AGBL1: variants seen among roughly 807,000 people sequenced by gnomAD.
AGBL1 encodes the protein cytosolic carboxypeptidase 4.
A neutral mutation model predicts 118.9 loss-of-function variants in AGBL1; 130 were observed. The observed-to-expected ratio is 1.09, with a 90% CI of 0.95 to 1.26. The LOEUF is 1.26. Ranked by LOEUF, AGBL1 falls within the 50% of genes most tolerant of loss-of-function variation. AGBL1 has a pLI of 0.00. For synonymous variants in AGBL1, 555 were observed against 478.9 expected (o/e 1.16, Z -2.08); for missense variants, 1,584 against 1,298.1 (o/e 1.22, Z -3.38).
intron 21 of AGBL1, among the ~76,000 whole-genome samples, 160 bp from the exon 22 acceptor site, chr15:86,674,113 A>G (rs1342246718): frequency 1.3e-5 from 2 of 152,158 alleles, no homozygotes; most frequent in African/African-American, 2.4e-5. Context: ...CCACTCCACA[A>G]TGCACACAAC....
At chr15:86,283,800 A>G (rs1382961270) in intron 16 of AGBL1, among the ~76,000 whole-genome samples, 1 of 152,190 alleles carries the variant, frequency 6.6e-6, no homozygotes, top group South Asian at 2.1e-4. Context: ...AGAAGCCAAT[A>G]TGTGCATGAA....
chr15:86,825,480 C>T (rs1034792172), intron 22 of AGBL1, among the ~76,000 whole-genome samples: 1 of 121,968 alleles, frequency 8.2e-6, no homozygotes, highest in Non-Finnish European at 1.7e-5. Flanking sequence ...TAAATAAAAA[C>T]TCTTACAACT....
At chr15:86,146,900 A>T (rs1255190045) in intron 3 of AGBL1, among the ~76,000 whole-genome samples, 1 of 152,054 alleles carries the variant, frequency 6.6e-6, no homozygotes, top group Non-Finnish European at 1.5e-5. Context: ...TTAGGATTTT[A>T]TTTCTGTTTT....
At chr15:86,437,184 A>G (rs1424475555) in intron 18 of AGBL1, among the ~76,000 whole-genome samples, 6 of 152,228 alleles carry the variant, frequency 3.9e-5, no homozygotes, top group Non-Finnish European at 7.3e-5. Flanking sequence ...AAGCTAAATA[A>G]GAAAGACTGA....
chr15:86,838,802 G>T (rs2079203547), intron 22 of AGBL1, among the ~76,000 whole-genome samples: 1 of 151,530 alleles, frequency 6.6e-6, no homozygotes, highest in African/African-American at 2.4e-5. Flanking sequence ...AAAATAGTTG[G>T]ACATGGTGGT....
chr15:86,807,885 A>T (rs2078740134), intron 22 of AGBL1, among the ~76,000 whole-genome samples: 1 of 152,186 alleles, frequency 6.6e-6, no homozygotes, highest in African/African-American at 2.4e-5. Context: ...TATAGCTGCT[A>T]TGTTCCACCC....
chr15:86,161,325 C>T (rs2077264351), intron 5 of AGBL1, among the ~76,000 whole-genome samples: 1 of 152,332 alleles, frequency 6.6e-6, no homozygotes, highest in Middle Eastern at 3.4e-3. Context: ...CTGCACTGTG[C>T]TAAGCTCTTA....
At chr15:86,720,149 A>G (rs1029042046) in intron 22 of AGBL1, among the ~76,000 whole-genome samples, 1 of 152,232 alleles carries the variant, frequency 6.6e-6, no homozygotes, top group African/African-American at 2.4e-5. Context: ...CCCCATACTT[A>G]CATGGGCAAT....
At chr15:86,757,136 C>G (rs2141264530) in intron 22 of AGBL1, among the ~76,000 whole-genome samples, 1 of 152,168 alleles carries the variant, frequency 6.6e-6, no homozygotes, top group East Asian at 1.9e-4. Context: ...AATGTCTAGA[C>G]AAGTTTATTC....
chr15:86,285,611 C>G (rs1234236563), intron 16 of AGBL1, among the ~76,000 whole-genome samples: 2 of 152,060 alleles, frequency 1.3e-5, no homozygotes, highest in Admixed American at 1.3e-4. Flanking sequence ...AACTGTGAGT[C>G]GATTAAACCT....
chr15:86,957,577 C>T (rs1182876256), intron 23 of AGBL1, among the ~76,000 whole-genome samples: 1 of 151,848 alleles, frequency 6.6e-6, no homozygotes, highest in South Asian at 2.1e-4. Context: ...ATCAGAAAAA[C>T]AATTTAATCA....
chr15:86,571,218 C>T (rs2084002031), intron 21 of AGBL1, among the ~76,000 whole-genome samples: 1 of 152,080 alleles, frequency 6.6e-6, no homozygotes, highest in African/African-American at 2.4e-5. Context: ...GTCTGAGATC[C>T]CTGAAGGGCC....
Position 86,655,515 on chromosome 15 carries a change from TCTC to T in AGBL1, c.2995-18754_2995-18752del, listed in dbSNP as rs564119726. Among the ~76,000 whole-genome samples the T allele has an allele frequency of 6.6e-5, 10 of 152,326 alleles. No homozygotes were observed. The South Asian group carries it at 1.7e-3, about 25-fold the overall frequency. On this transcript the variant is annotated intron_variant, in intron 21 of 22. Transcript: ENST00000614907. ...TTCTTTTCTCTTGTCTTTCCTTTTCTCTCCTCTTCTTCCCTCAAATATTTGTAA... is the reference window on the plus strand; with the variant it reads ...TTCTTTTCTCTTGTCTTTCCTTTTCTCTCTTCTTCCCTCAAATATTTGTAA...
At position 86,143,998 on chromosome 15, in the gene AGBL1, A is replaced by G. The variant is rs534073939; in HGVS notation, c.262+153A>G. ...ATGGTGATGGCAGGACCAGCCCCATAGGAGAGGCCATTTTGTTGACTTTGA... is the reference window on the plus strand; with the variant it reads ...ATGGTGATGGCAGGACCAGCCCCATGGGAGAGGCCATTTTGTTGACTTTGA... On this transcript the variant is annotated intron_variant, in intron 3 of 22. Coordinates refer to ENST00000614907, the MANE Select transcript of AGBL1 (RefSeq NM_001386094.1). Among the ~76,000 whole-genome samples the G allele has an allele frequency of 2.6e-5, 4 of 152,324 alleles. No homozygotes were observed. The South Asian group carries it at 8.3e-4, about 32-fold the overall frequency.
intron 18 of AGBL1, among the ~76,000 whole-genome samples, chr15:86,501,138 T>C (rs1040866258): frequency 6.6e-6 from 1 of 151,692 alleles, no homozygotes; most frequent in Admixed American, 6.6e-5. Flanking sequence ...GCAATATATA[T>C]GAGTTTCAAT....
intron 18 of AGBL1, among the ~76,000 whole-genome samples, chr15:86,400,425 CT>C (rs934449034): frequency 1.0e-3 from 154 of 150,352 alleles, no homozygotes; most frequent in African/African-American, 3.6e-3. Flanking sequence ...TATTAATAGG[CT>C]CCTTTTTGTG....
intron 22 of AGBL1, among the ~76,000 whole-genome samples, chr15:86,742,375 C>T (rs1223256084): frequency 6.6e-6 from 1 of 152,138 alleles, no homozygotes; most frequent in Non-Finnish European, 1.5e-5. Flanking sequence ...AAATATATGA[C>T]AGAAGTGACT....
chr15:86,591,590 T>C (rs1331787188), intron 21 of AGBL1, among the ~76,000 whole-genome samples: 1 of 152,138 alleles, frequency 6.6e-6, no homozygotes, highest in African/African-American at 2.4e-5. Flanking sequence ...TTACAAAGAA[T>C]ATAGATGAAG....
chr15:87,025,458 C>T (rs900770639), intron 24 of AGBL1, among the ~76,000 whole-genome samples: 1 of 152,044 alleles, frequency 6.6e-6, no homozygotes, highest in Non-Finnish European at 1.5e-5. Context: ...TGAAAGACCT[C>T]TGCAAGGAAA....
Sources: gnomAD v4.1 joint callset for allele counts (sites outside exome capture counted in the v4.1 genomes callset) on GRCh38, gnomAD v4.1.1 for gene constraint, MANE v1.5 for transcripts, NCBI Gene and HGNC (gene_info 2026-07-23, HGNC 2026-07-21) for gene names.